The following SPATA1 variants were observed in gnomAD, a reference collection of about 807,000 sequenced individuals.
The protein encoded by SPATA1 is spermatogenesis associated 1.
A neutral mutation model predicts 59.6 loss-of-function variants in SPATA1; 57 were observed. The observed-to-expected ratio is 0.96, with a 90% CI of 0.77 to 1.19. The LOEUF (loss-of-function observed/expected upper bound fraction) is 1.19. SPATA1 is among the 50% of genes most tolerant of loss of function. The probability of loss-of-function intolerance (pLI) is 0.00; values close to 1 mark genes in which losing one functional copy is unlikely to be tolerated. For synonymous variants in SPATA1, 147 were observed against 163.9 expected (o/e 0.90, Z 0.79); for missense variants, 448 against 480.7 (o/e 0.93, Z 0.64).
intron 2 of SPATA1, chr1:84,520,334 G>T: frequency 5.9e-6 from 2 of 340,244 alleles, no homozygotes; most frequent in Middle Eastern, 8.0e-4. Context: ...AACACCATAT[G>T]CCAAAGATGT....
intron 4 of SPATA1, among the ~76,000 whole-genome samples, chr1:84,562,607 C>A (rs543087883): frequency 6.6e-6 from 1 of 152,112 alleles, no homozygotes; most frequent in Admixed American, 6.5e-5. Flanking sequence ...TGTGGAAGAG[C>A]CTTTATAATG....
chr1:84,563,750 G>A, intron 4 of SPATA1: 2 of 1,591,162 alleles, frequency 1.3e-6, no homozygotes, highest in Non-Finnish European at 1.7e-6. Context: ...ACAGATTCAG[G>A]CAGGTATAAT....
intron 4 of SPATA1, chr1:84,563,879 C>T: frequency 6.4e-7 from 1 of 1,571,682 alleles, no homozygotes; most frequent in Non-Finnish European, 8.6e-7. Flanking sequence ...CTTCATATGT[C>T]AATGTGTTCA....
At chr1:84,562,116 T>C (rs1684606812) in intron 4 of SPATA1, among the ~76,000 whole-genome samples, 1 of 152,216 alleles carries the variant, frequency 6.6e-6, no homozygotes. Flanking sequence ...ACAATTAAAC[T>C]ACCTTATGTA....
At chr1:84,539,191 A>T (rs2101987768) in intron 8 of SPATA1, among the ~76,000 whole-genome samples, 1 of 152,366 alleles carries the variant, frequency 6.6e-6, no homozygotes, top group Non-Finnish European at 1.5e-5. Flanking sequence ...AAGCCCTGGT[A>T]GGAGAATCAC....
chr1:84,562,383 T>C (rs1269313851), intron 4 of SPATA1, among the ~76,000 whole-genome samples: 1 of 152,218 alleles, frequency 6.6e-6, no homozygotes, highest in East Asian at 1.9e-4. Flanking sequence ...TAGAAAGCTC[T>C]ACACTAAAGC....
At chr1:84,524,560 T>C (rs72948488) in intron 4 of SPATA1, among the ~76,000 whole-genome samples, 5,587 of 152,200 alleles carry the variant, frequency 0.037, 359 homozygotes, top group African/African-American at 0.13. Context: ...AAATTTTATC[T>C]ATGACCATTT....
downstream of SPATA1, among the ~76,000 whole-genome samples, chr1:84,556,346 C>T (rs377081261): frequency 7.9e-5 from 12 of 152,106 alleles, no homozygotes; most frequent in South Asian, 4.1e-4. Flanking sequence ...TAGGAAACTC[C>T]TTAAAGGCAT....
intron 4 of SPATA1, among the ~76,000 whole-genome samples, chr1:84,559,674 G>A (rs1268920282): frequency 2.0e-5 from 3 of 152,058 alleles, no homozygotes; most frequent in African/African-American, 4.8e-5. Flanking sequence ...ACCTTACAAT[G>A]GGAATTTTGC....
intron 8 of SPATA1, among the ~76,000 whole-genome samples, chr1:84,536,876 T>C (rs116168403): frequency 0.041 from 3,898 of 96,002 alleles, 145 homozygotes; most frequent in East Asian, 0.19. Flanking sequence ...TGTTTTTTCT[T>C]TTTTCTTTTT....
chr1:84,546,894 G>T (rs893474640), intron 10 of SPATA1, among the ~76,000 whole-genome samples: 2 of 152,216 alleles, frequency 1.3e-5, no homozygotes, highest in African/African-American at 4.8e-5. Flanking sequence ...TGTTAGGACT[G>T]GTGGACTGAT....
intron 8 of SPATA1, among the ~76,000 whole-genome samples, chr1:84,539,989 C>T (rs1053809206): frequency 6.6e-6 from 1 of 152,134 alleles, no homozygotes; most frequent in Non-Finnish European, 1.5e-5. Flanking sequence ...TCATTTAATG[C>T]CTTTTTGGCC....
At chr1:84,543,053 T>C (rs2101996017) in intron 8 of SPATA1, among the ~76,000 whole-genome samples, 1 of 152,242 alleles carries the variant, frequency 6.6e-6, no homozygotes, top group Admixed American at 6.5e-5. Flanking sequence ...ATTATAACAA[T>C]ATACTATAAT....
chr1:84,541,825 A>G (rs1345103311), intron 8 of SPATA1, among the ~76,000 whole-genome samples: 1 of 152,158 alleles, frequency 6.6e-6, no homozygotes, highest in African/African-American at 2.4e-5. Context: ...ATTATCAGTA[A>G]TAACAGGTGT....
At chr1:84,507,188 T>A (rs1221914677) in intron 1 of SPATA1, 1 of 152,170 alleles carries the variant, frequency 6.6e-6, no homozygotes, top group Non-Finnish European at 1.5e-5. Flanking sequence ...CTATTTCTTT[T>A]CGGGTAGTCA....
intron 8 of SPATA1, among the ~76,000 whole-genome samples, chr1:84,542,647 C>G (rs1255397689): frequency 6.6e-6 from 1 of 152,136 alleles, no homozygotes; most frequent in African/African-American, 2.4e-5. Flanking sequence ...CCTGACCACA[C>G]TCTGATCTAG....
chr1:84,558,716 T>C (rs925983020), downstream of SPATA1, among the ~76,000 whole-genome samples: 6 of 150,958 alleles, frequency 4.0e-5, no homozygotes, highest in Admixed American at 6.6e-5. Context: ...GCCTGGGCAA[T>C]ATAGAAAGAC....
At chr1:84,557,436 G>A (rs1218581561), downstream of SPATA1, among the ~76,000 whole-genome samples, 1 of 150,820 alleles carries the variant, frequency 6.6e-6, no homozygotes, top group Non-Finnish European at 1.5e-5. Context: ...AGGACGCTGA[G>A]GCAGGAGAAT....
At chr1:84,542,421 A>G (rs1035591013) in intron 8 of SPATA1, among the ~76,000 whole-genome samples, 3 of 152,002 alleles carry the variant, frequency 2.0e-5, no homozygotes, top group Non-Finnish European at 4.4e-5. Context: ...CCCAGAAGCT[A>G]TGTCTTACCA....
Sources: gnomAD v4.1 joint callset for allele counts (sites outside exome capture counted in the v4.1 genomes callset) on GRCh38, gnomAD v4.1.1 for gene constraint, MANE v1.5 for transcripts, NCBI Gene and HGNC (gene_info 2026-07-23, HGNC 2026-07-21) for gene names.